TRAF3IP2: variants seen among roughly 807,000 people sequenced by gnomAD.
TRAF3IP2 encodes TRAF3 interacting protein 2.
TRAF3IP2 carries 35 observed loss-of-function variants against 57.9 expected under a neutral mutation model. That is an observed-to-expected ratio of 0.60 (90% CI 0.46 to 0.80). The LOEUF is 0.80. Ranked by LOEUF, TRAF3IP2 falls within the 30% of genes least tolerant of loss-of-function variation. TRAF3IP2 has a pLI of 0.00. For synonymous variants in TRAF3IP2, 251 were observed against 268.9 expected (o/e 0.93, Z 0.65); for missense variants, 556 against 706.4 (o/e 0.79, Z 2.41).
intron 5 of TRAF3IP2, among the ~76,000 whole-genome samples, chr6:111,572,564 G>A (rs1795862398): frequency 1.3e-5 from 2 of 152,218 alleles, no homozygotes; most frequent in South Asian, 4.1e-4. Context: ...CATGATTGGT[G>A]AGAAAGGACA....
intron 5 of TRAF3IP2, among the ~76,000 whole-genome samples, chr6:111,567,941 T>C (rs1795705227): frequency 6.6e-6 from 1 of 152,234 alleles, no homozygotes; most frequent in African/African-American, 2.4e-5. Context: ...CATCAAAATA[T>C]ATCTATGGCT....
chr6:111,605,559 C>A (rs1229541400), intron 1 of TRAF3IP2, among the ~76,000 whole-genome samples: 2 of 152,182 alleles, frequency 1.3e-5, no homozygotes, highest in Admixed American at 6.5e-5. Flanking sequence ...GGCTCGCTGG[C>A]CTGAAATACT....
At chr6:111,564,144 ACT>A (rs1292682043) in intron 7 of TRAF3IP2, among the ~76,000 whole-genome samples, 1 of 151,642 alleles carries the variant, frequency 6.6e-6, no homozygotes, top group Non-Finnish European at 1.5e-5. Context: ...ATAAACACAC[ACT>A]CTCACATAGT....
At chr6:111,578,990 C>T (rs1161746784) in intron 3 of TRAF3IP2, among the ~76,000 whole-genome samples, 1 of 151,860 alleles carries the variant, frequency 6.6e-6, no homozygotes, top group East Asian at 1.9e-4. Flanking sequence ...TATTTTAGAT[C>T]CATAAATTAA....
At position 111,573,163 on chromosome 6, in the gene TRAF3IP2, C is replaced by T. The variant is rs1422968817; in HGVS notation, c.1202-180G>A. On this transcript the variant is annotated intron_variant, in intron 4 of 8. Transcript: ENST00000368761. Reference sequence around the variant, plus strand: ...TGTCCTCAGGGCACAGCTCCTCAGGCCCAAAATGCCAGTGGGTCTGTCCAA... The same window carrying T: ...TGTCCTCAGGGCACAGCTCCTCAGGTCCAAAATGCCAGTGGGTCTGTCCAA... 2.6e-5 allele frequency among the ~76,000 whole-genome samples: 4 copies of T among 152,158 alleles called. No individual in the cohort carries two copies. In the East Asian group the frequency reaches 7.7e-4, roughly 29 times the overall value.
At chr6:111,595,779 G>A (rs1316580783) in intron 1 of TRAF3IP2, among the ~76,000 whole-genome samples, 2 of 149,502 alleles carry the variant, frequency 1.3e-5, no homozygotes, top group African/African-American at 4.9e-5. Context: ...GGTGAGCCGA[G>A]ATCGTGCCAC....
At chr6:111,567,572 C>G (rs950707304) in intron 6 of TRAF3IP2, 52 bp downstream of exon 6, 1 of 1,559,052 alleles carries the variant, frequency 6.4e-7, no homozygotes, top group African/African-American at 1.4e-5. Context: ...ACTTCATAAG[C>G]TCATTGTCTT....
chr6:111,594,557 G>A (rs958509106), intron 1 of TRAF3IP2: 1 of 448,244 alleles, frequency 2.2e-6, no homozygotes, highest in Non-Finnish European at 4.5e-6. Flanking sequence ...AAAAAGTGAT[G>A]AGGGCAGTCA....
intron 2 of TRAF3IP2, among the ~76,000 whole-genome samples, chr6:111,584,650 A>G (rs1796274336): frequency 6.6e-6 from 1 of 152,006 alleles, no homozygotes; most frequent in South Asian, 2.1e-4. Flanking sequence ...ATACCAAAAA[A>G]AAAAAAGAAA....
rs947478352 is a variant in TRAF3IP2, at chr6:111,587,023, G to A, written c.829+4235C>T. ...TTCGTGGGACTCATTGCTGCTGGAG[G>A]CCTCATAAATATTCTAGGGCTACAA... On this transcript the variant is annotated intron_variant, in intron 2 of 8. Transcript: ENST00000368761. 2.0e-5 allele frequency: 3 copies of A among 151,978 alleles called. No homozygotes were observed. The East Asian group carries it at 5.8e-4, about 29-fold the overall frequency. The allele number at this position is 151,978 out of a possible 1,614,324, so 9.4% of individuals were successfully genotyped here.
intron 8 of TRAF3IP2, 110 bp downstream of exon 8, chr6:111,562,855 A>AAAAG: frequency 3.7e-6 from 3 of 816,840 alleles, no homozygotes; most frequent in Non-Finnish European, 5.6e-6. Flanking sequence ...AAAAAAAAAA[A>AAAAG]AAAAGAAAAG....
In TRAF3IP2 at chr6:111,572,990, G is replaced by C; in HGVS notation, c.1202-7C>G. On this transcript the variant is annotated splice_region_variant and splice_polypyrimidine_tract_variant and intron_variant, in intron 4 of 8. Transcript: ENST00000368761. ...TAAGTGATAAAGACTTTCCCTAAGAGAAAATTTTTACATTTATTAGAAACT... is the reference window on the plus strand; with the variant it reads ...TAAGTGATAAAGACTTTCCCTAAGACAAAATTTTTACATTTATTAGAAACT... 6.2e-7 allele frequency: 1 copy of C among 1,607,134 alleles called. No individual in the cohort carries two copies. Among genetic ancestry groups the C allele is most frequent in the Non-Finnish European group, 8.5e-7 (1 of 1,175,020 alleles).
intron 1 of TRAF3IP2, among the ~76,000 whole-genome samples, chr6:111,597,619 A>G (rs1796730802): frequency 1.3e-5 from 2 of 152,262 alleles, no homozygotes; most frequent in Admixed American, 1.3e-4. Flanking sequence ...AACATTAAAA[A>G]GCAATCACTC....
chr6:111,559,714 G>A (rs1398820950), intron 8 of TRAF3IP2, among the ~76,000 whole-genome samples, 163 bp from the exon 9 acceptor site: 1 of 152,224 alleles, frequency 6.6e-6, no homozygotes, highest in Non-Finnish European at 1.5e-5. Flanking sequence ...TTTAGCATGT[G>A]AAATGTTCTT....
At chr6:111,574,808 C>T (rs1280419437) in intron 4 of TRAF3IP2, 1 of 152,214 alleles carries the variant, frequency 6.6e-6, no homozygotes, top group Admixed American at 6.5e-5. Context: ...TAGAGGTAAG[C>T]AGTTTTTGAG....
chr6:111,598,119 T>A, intron 1 of TRAF3IP2: 1 of 335,932 alleles, frequency 3.0e-6, no homozygotes, highest in South Asian at 2.3e-5. Flanking sequence ...AGAACCCCTC[T>A]CTGAGGCTCC....
chr6:111,575,282 A>G (rs183846589), intron 4 of TRAF3IP2, among the ~76,000 whole-genome samples: 1 of 152,160 alleles, frequency 6.6e-6, no homozygotes, highest in East Asian at 1.9e-4. Flanking sequence ...ATCACAAAGT[A>G]TAAGACCTCA....
chr6:111,601,090 G>A (rs1405504049), intron 1 of TRAF3IP2: 5 of 633,816 alleles, frequency 7.9e-6, no homozygotes, highest in South Asian at 1.9e-5. Flanking sequence ...CTTGCATCTC[G>A]GTTGGGAGCA....
intron 2 of TRAF3IP2, 51 bp from the exon 3 acceptor site, chr6:111,580,440 C>A (rs933235208): frequency 1.4e-6 from 2 of 1,480,776 alleles, no homozygotes; most frequent in Non-Finnish European, 1.8e-6. Flanking sequence ...CTAGCTCCTT[C>A]GTGTGAAAGG....
Sources: gnomAD v4.1 joint callset for allele counts (sites outside exome capture counted in the v4.1 genomes callset) on GRCh38, gnomAD v4.1.1 for gene constraint, MANE v1.5 for transcripts, NCBI Gene and HGNC (gene_info 2026-07-23, HGNC 2026-07-21) for gene names.